Variants in CNGA1 observed in about 807,000 individuals in gnomAD.
The protein encoded by CNGA1 is cyclic nucleotide gated channel subunit alpha 1, also known as cyclic nucleotide-gated channel alpha-1.
Under a neutral mutation model 69.7 loss-of-function variants are expected in CNGA1, and 53 were observed. The ratio of observed to expected loss-of-function variants is 0.76; its 90% confidence interval spans 0.61 to 0.96. CNGA1 has a LOEUF of 0.96. CNGA1 is among the 40% of genes least tolerant of loss of function. The pLI is 0.00. For missense variants in CNGA1, 739 were observed against 811.2 expected (o/e 0.91, Z 1.08); for synonymous variants, 249 against 283.5 (o/e 0.88, Z 1.22).
chr4:47,969,709 A>G (rs537679915), intron 3 of CNGA1, among the ~76,000 whole-genome samples: 1 of 152,154 alleles, frequency 6.6e-6, no homozygotes, highest in East Asian at 1.9e-4. Context: ...ACCTCGGGTG[A>G]TCTCCCCGCT....
At position 47,949,722 on chromosome 4, in the gene CNGA1, G is replaced by T. The variant is rs1348993338; in HGVS notation, c.287+111C>A. ...TAAGACTATCATTGCCATTGTATTAGATCATTTGATTAATAAATGTTTCCT... is the reference window on the plus strand; with the variant it reads ...TAAGACTATCATTGCCATTGTATTATATCATTTGATTAATAAATGTTTCCT... On this transcript the variant is annotated intron_variant, in intron 6 of 10. Transcript: ENST00000514170. 1.7e-5 allele frequency: 13 copies of T among 765,972 alleles called. No individual in the cohort carries two copies. The South Asian group carries it at 2.2e-4, about 13-fold the overall frequency. The allele number at this position is 765,972 out of a possible 1,614,324, so 47.4% of individuals were successfully genotyped here. A position where few individuals can be genotyped will look rare whatever the true frequency, so the allele number is the denominator to read the frequency against.
intron 3 of CNGA1, among the ~76,000 whole-genome samples, chr4:47,955,995 T>TA (rs1740063701): frequency 6.6e-6 from 1 of 152,224 alleles, no homozygotes; most frequent in Non-Finnish European, 1.5e-5. Flanking sequence ...GGGCGACAGA[T>TA]ATGGTGAATT....
chr4:47,984,663 TAC>T (rs60055899), intron 2 of CNGA1, among the ~76,000 whole-genome samples: 41,173 of 126,418 alleles, frequency 0.33, 7,291 homozygotes, highest in Non-Finnish European at 0.45. Context: ...TATATATATA[TAC>T]ACACACACAC....
intron 3 of CNGA1, among the ~76,000 whole-genome samples, chr4:47,962,235 T>A (rs1400464816): frequency 6.6e-6 from 1 of 151,540 alleles, no homozygotes; most frequent in South Asian, 2.1e-4. Context: ...TCCCAGCTAC[T>A]CGGGAGGCTG....
chr4:47,970,868 G>A (rs1366277125), intron 3 of CNGA1: 9 of 453,206 alleles, frequency 2.0e-5, no homozygotes, highest in Non-Finnish European at 3.5e-5. Flanking sequence ...CAAAAATACA[G>A]TATGAGGCCA....
In CNGA1 at chr4:47,937,615, G is replaced by C; in HGVS notation, c.867C>G (p.Asn289Lys). The C allele has an allele frequency of 6.2e-7, 1 of 1,614,166 alleles. No homozygotes were observed. The highest frequency in any genetic ancestry group is 8.5e-7 in the Non-Finnish European group (1 of 1,180,020). Reference protein sequence around the residue: ...EFFQRTETRTNYPNIFRISNL... With the variant: ...EFFQRTETRTKYPNIFRISNL... Reference sequence around the variant, plus strand: ...TGGAAATCCTGAAGATGTTTGGATAGTTTGTCCTTGTTTCTGTTCTCTGGA... The same window carrying C: ...TGGAAATCCTGAAGATGTTTGGATACTTTGTCCTTGTTTCTGTTCTCTGGA... The change falls in exon 11 of 11, where the codon AAC becomes AAG. Residue 289 changes from asparagine to lysine, a missense_variant. Transcript: ENST00000514170.
At chr4:47,956,444 G>A (rs532549419) in intron 3 of CNGA1, among the ~76,000 whole-genome samples, 1 of 152,178 alleles carries the variant, frequency 6.6e-6, no homozygotes, top group Non-Finnish European at 1.5e-5. Flanking sequence ...CCACTTTCAG[G>A]TTACAAGAGA....
At chr4:48,010,916 G>A (rs762613529) in intron 1 of CNGA1, 23 bp from the exon 2 acceptor site, 5 of 152,422 alleles carry the variant, frequency 3.3e-5, no homozygotes, top group Non-Finnish European at 7.3e-5. Flanking sequence ...TGGACCAGAA[G>A]AGTGCAGTTG....
intron 3 of CNGA1, among the ~76,000 whole-genome samples, chr4:47,960,519 CTAAAA>C (rs1268098360): frequency 1.3e-5 from 2 of 152,096 alleles, no homozygotes; most frequent in South Asian, 2.1e-4. Flanking sequence ...GACACTAAAT[CTAAAA>C]TAAATTTTTG....
In CNGA1 at chr4:47,936,312, GA is replaced by G; in HGVS notation, c.*108del. On this transcript the variant is annotated 3_prime_UTR_variant, in exon 11 of 11. Coordinates refer to ENST00000514170, the MANE Select transcript of CNGA1 (RefSeq NM_001379270.1). ...TGCACCAAAGCACATTTTCCTCATG[GA>G]AAAATTTCCCAACTGAGTCTTCCTC... is the stretch of plus-strand genomic sequence containing the variant. 1 of 1,250,738 alleles carries G rather than the reference GA, an allele frequency of 8.0e-7. No individual in the cohort carries two copies. The highest frequency in any genetic ancestry group is 1.2e-6 in the Non-Finnish European group (1 of 869,198). 77.5% of individuals were successfully genotyped at this position (1,250,738 alleles called of 1,614,324 possible).
chr4:47,960,779 G>A (rs1463420661), intron 3 of CNGA1, among the ~76,000 whole-genome samples: 2 of 152,092 alleles, frequency 1.3e-5, no homozygotes, highest in African/African-American at 4.8e-5. Context: ...CCAACAACAT[G>A]GATGAATCCC....
intron 2 of CNGA1, among the ~76,000 whole-genome samples, chr4:47,988,730 C>T (rs1742097873): frequency 6.6e-6 from 1 of 151,996 alleles, no homozygotes; most frequent in Admixed American, 6.6e-5. Flanking sequence ...CAAATTGCCT[C>T]CTCAAAATAG....
rs1426135017 is a variant in CNGA1, at chr4:48,001,094, A to C, written c.-123+9700T>G. On this transcript the variant is annotated intron_variant, in intron 2 of 10. Transcript: ENST00000514170. Reference sequence around the variant, plus strand: ...CAAAAGTAAAATGCAACTAAATGTCATTTATGAGAAATAAGCTTTAAATAA... The same window carrying C: ...CAAAAGTAAAATGCAACTAAATGTCCTTTATGAGAAATAAGCTTTAAATAA... 3.3e-5 allele frequency among the ~76,000 whole-genome samples: 5 copies of C among 152,226 alleles called. No homozygotes were observed. The East Asian group carries it at 9.6e-4, about 29-fold the overall frequency.
chr4:47,952,736 C>T, intron 3 of CNGA1, 33 bp from the exon 4 acceptor site: 1 of 1,493,564 alleles, frequency 6.7e-7, no homozygotes, highest in Non-Finnish European at 9.0e-7. Flanking sequence ...AGTGGAAAGG[C>T]TATTTTTATA....
intron 3 of CNGA1, among the ~76,000 whole-genome samples, chr4:47,955,173 C>CTTT (rs377338639): frequency 8.1e-5 from 8 of 98,208 alleles, no homozygotes; most frequent in African/African-American, 1.3e-4. Context: ...TTTTTCTTTT[C>CTTT]TTTTTTTTTT....
At chr4:47,979,829 C>T (rs928420104) in intron 3 of CNGA1, among the ~76,000 whole-genome samples, 1 of 152,002 alleles carries the variant, frequency 6.6e-6, no homozygotes, top group South Asian at 2.1e-4. Context: ...TAAAAAATTA[C>T]CTCCAAGAAA....
At chr4:48,000,161 C>A (rs573891698) in intron 2 of CNGA1, among the ~76,000 whole-genome samples, 1 of 152,210 alleles carries the variant, frequency 6.6e-6, no homozygotes, top group South Asian at 2.1e-4. Context: ...CTTAGTAACT[C>A]ATGGAACCAT....
intron 3 of CNGA1, among the ~76,000 whole-genome samples, chr4:47,978,749 T>C (rs1741544303): frequency 6.6e-6 from 1 of 152,204 alleles, no homozygotes; most frequent in East Asian, 1.9e-4. Flanking sequence ...AGGCACTCCT[T>C]GACTTCTTGT....
chr4:47,946,031 C>A (rs1215473913), intron 6 of CNGA1, among the ~76,000 whole-genome samples: 1 of 152,162 alleles, frequency 6.6e-6, no homozygotes, highest in African/African-American at 2.4e-5. Flanking sequence ...CCACCCCTAC[C>A]CCACTAGTTC....
Sources: gnomAD v4.1 joint callset for allele counts (sites outside exome capture counted in the v4.1 genomes callset) on GRCh38, gnomAD v4.1.1 for gene constraint, MANE v1.5 for transcripts, NCBI Gene and HGNC (gene_info 2026-07-23, HGNC 2026-07-21) for gene names.